Variants in IGF2R observed in about 807,000 individuals in gnomAD.
IGF2R encodes the protein insulin like growth factor 2 receptor, also known as cation-independent mannose-6-phosphate receptor.
In IGF2R, 91 loss-of-function variants were observed where a neutral mutation model predicts 270.6. The observed-to-expected ratio is 0.34, with a 90% CI of 0.28 to 0.40. The LOEUF (loss-of-function observed/expected upper bound fraction) is 0.40. IGF2R is among the 10% of genes least tolerant of loss of function. The pLI is 1.00. For missense variants in IGF2R, 2,805 were observed against 3,188.3 expected, an observed-to-expected ratio of 0.88 and a Z score of 2.90; for synonymous variants, 1,316 against 1,258.9, an observed-to-expected ratio of 1.05 and a Z score of -0.96.
intron 1 of IGF2R, among the ~76,000 whole-genome samples, chr6:159,989,384 A>T (rs920606958): frequency 6.6e-6 from 1 of 151,942 alleles, no homozygotes; most frequent in Non-Finnish European, 1.5e-5. Context: ...AAGCTCTGGG[A>T]GGTGGACGGC....
In IGF2R at chr6:160,047,273, G is replaced by A. The variant is rs757629355; in HGVS notation, c.2166G>A (p.Pro722=). 2.6e-5 allele frequency: 42 copies of A among 1,613,088 alleles called. 1 individual carries two copies. In the South Asian group the frequency reaches 3.5e-4, roughly 13 times the overall value. ...GTPYNNERHT[P]RATLITFLCD... ...CCTATAACAATGAAAGACACACACC[G>A]AGAGCTACGCTCATCACCTTTCTCT... Residue 722 remains proline (P), a synonymous_variant, in exon 16 of 48, where the codon CCG becomes CCA. Transcript: ENST00000356956.
chr6:160,077,117 A>T (rs1220085371), intron 36 of IGF2R, among the ~76,000 whole-genome samples: 3 of 152,034 alleles, frequency 2.0e-5, no homozygotes, highest in East Asian at 3.9e-4. Flanking sequence ...GTTTGGGGCT[A>T]CTCCACAGGG....
At chr6:159,975,366 A>G (rs932407790) in intron 1 of IGF2R, among the ~76,000 whole-genome samples, 3 of 151,986 alleles carry the variant, frequency 2.0e-5, no homozygotes, top group African/African-American at 7.3e-5. Context: ...CTGGCTCACT[A>G]CCCTCCAGGA....
chr6:159,997,579 C>G (rs1001516225), intron 2 of IGF2R, among the ~76,000 whole-genome samples: 7 of 152,204 alleles, frequency 4.6e-5, no homozygotes, highest in African/African-American at 1.7e-4. Context: ...GGGGCAGCAA[C>G]AGCATTCCCG....
At chr6:160,051,065 T>C (rs1023234266) in intron 19 of IGF2R, among the ~76,000 whole-genome samples, 11 of 152,216 alleles carry the variant, frequency 7.2e-5, no homozygotes, top group Non-Finnish European at 1.3e-4. Context: ...GAAAATCAGC[T>C]GTCAACAGGA....
At chr6:160,079,921 T>A (rs1463150315) in intron 38 of IGF2R, 134 bp downstream of exon 38, 6 of 968,360 alleles carry the variant, frequency 6.2e-6, no homozygotes, top group Non-Finnish European at 9.2e-6. Flanking sequence ...GAATGTGAGC[T>A]GTTCCTCTGT....
intron 27 of IGF2R, among the ~76,000 whole-genome samples, chr6:160,064,196 CTG>C (rs1778505208): frequency 6.6e-6 from 1 of 152,216 alleles, no homozygotes; most frequent in South Asian, 2.1e-4. Context: ...ACGGGTCAGT[CTG>C]TGACGTTGCA....
In IGF2R at chr6:160,044,491, T is replaced by A. The variant is rs536194029; in HGVS notation, c.1622-23T>A. The A allele has an allele frequency of 7.0e-6, 11 of 1,573,366 alleles. No individual in the cohort carries two copies. The African/African-American group carries it at 1.2e-4, about 17-fold the overall frequency. On this transcript the variant is annotated intron_variant, in intron 12 of 47. Coordinates refer to ENST00000356956, the MANE Select transcript of IGF2R (RefSeq NM_000876.4). Reference sequence around the variant, plus strand: ...TGATCATTTTTAACCACATCTTCTGTTTTCTCCCCCTTTCTCTTCCAGATA... The same window carrying A: ...TGATCATTTTTAACCACATCTTCTGATTTCTCCCCCTTTCTCTTCCAGATA...
At chr6:160,048,293 A>G (rs1445081730) in intron 17 of IGF2R, 82 bp from the exon 18 acceptor site, 10 of 1,344,202 alleles carry the variant, frequency 7.4e-6, no homozygotes, top group Non-Finnish European at 1.1e-5. Context: ...TGGTAGCTTT[A>G]CTTCCCCAAC....
chr6:160,068,103 T>TGTGTGTGTGTGTGTGA (rs1176106813), intron 29 of IGF2R, 146 bp from the exon 30 acceptor site: 2 of 636,842 alleles, frequency 3.1e-6, no homozygotes, highest in African/African-American at 3.7e-5. Flanking sequence ...TGTGTGTGTG[T>TGTGTGTGTGTGTGTGA]GTGTGACAGA....
chr6:159,983,538 A>G (rs1302562321), intron 1 of IGF2R, among the ~76,000 whole-genome samples: 4 of 152,162 alleles, frequency 2.6e-5, no homozygotes, highest in East Asian at 1.9e-4. Flanking sequence ...CTTGGTTTAT[A>G]TGGTTAAATT....
chr6:160,003,207 C>T lies in IGF2R; in HGVS notation c.290-5803C>T, dbSNP rs112352185. 8.5e-5 allele frequency: 13 copies of T among 152,318 alleles called. No homozygotes were observed. In the Middle Eastern group the frequency reaches 0.017, roughly 199 times the overall value. The allele number at this position is 152,318 out of a possible 1,614,324, so 9.4% of individuals were successfully genotyped here. ...AATCTACAGCAGGCACTGGATTGAT[C>T]ATTGGATTGTATCTTTCATCTCTTT... is the stretch of plus-strand genomic sequence containing the variant. On this transcript the variant is annotated intron_variant, in intron 2 of 47. Transcript: ENST00000356956.
chr6:160,061,524 A>T lies in IGF2R; in HGVS notation c.3284A>T (p.Asp1095Val), dbSNP rs768766514. 1.2e-6 allele frequency: 2 copies of T among 1,614,046 alleles called. No individual in the cohort carries two copies. Among genetic ancestry groups the T allele is most frequent in the Non-Finnish European group, 1.7e-6 (2 of 1,179,988 alleles). ...TCAGACCTGGCTGGAAATGAGTACG[A>T]CCTGACTGGCCTAAGCACAGTCAGG... ...QVTDLAGNEY[D>V]LTGLSTVRKP... The change falls in exon 24 of 48, where the codon GAC becomes GTC. Residue 1095 changes from aspartate (D) to valine (V), a missense_variant. Physicochemically the swap from Asp to Val is radical, Grantham distance 152 (BLOSUM62 -3). Coordinates refer to ENST00000356956, the MANE Select transcript of IGF2R (RefSeq NM_000876.4).
chr6:160,034,277 A>G, intron 9 of IGF2R, 142 bp from the exon 10 acceptor site: 1 of 538,768 alleles, frequency 1.9e-6, no homozygotes. Context: ...ATTTTTCCCT[A>G]GCTGGCTAGA....
chr6:160,028,330 C>A (rs1331834696), intron 6 of IGF2R, among the ~76,000 whole-genome samples: 1 of 152,218 alleles, frequency 6.6e-6, no homozygotes, highest in Non-Finnish European at 1.5e-5. Context: ...CTCACATGAT[C>A]TCCTTTTTCC....
chr6:160,012,761 ATATTTTTTTTTTTTTTTG>A (rs1403094155), intron 4 of IGF2R, among the ~76,000 whole-genome samples: 3 of 72,596 alleles, frequency 4.1e-5, no homozygotes, highest in Non-Finnish European at 6.1e-5. Flanking sequence ...ATATATATAT[ATATTTTTTTTTTTTTTTG>A]TTTGTTTGTT....
intron 30 of IGF2R, 74 bp from the exon 31 acceptor site, chr6:160,069,794 T>A: frequency 7.2e-7 from 1 of 1,387,026 alleles, no homozygotes; most frequent in Non-Finnish European, 1.0e-6. Flanking sequence ...TGTGTGACAT[T>A]TATTGCCTGA....
intron 26 of IGF2R, among the ~76,000 whole-genome samples, chr6:160,063,033 G>C (rs909020503): frequency 4.3e-4 from 63 of 145,126 alleles, no homozygotes; most frequent in Non-Finnish European, 8.1e-4. Flanking sequence ...ACCAAAAATT[G>C]TAAAAGTTTT....
chr6:160,099,343 TATG>T (rs906225330), intron 45 of IGF2R, among the ~76,000 whole-genome samples: 14 of 151,716 alleles, frequency 9.2e-5, no homozygotes, highest in African/African-American at 2.9e-4. Context: ...TATGTTATGT[TATG>T]TTATGTTATG....
Sources: allele counts gnomAD v4.1 joint callset (sites outside exome capture counted in the v4.1 genomes callset), GRCh38; gene constraint gnomAD v4.1.1; transcripts MANE v1.5; gene names NCBI Gene and HGNC (gene_info 2026-07-23, HGNC 2026-07-21).